Variants in DNAH9 observed in about 807,000 individuals in gnomAD.
DNAH9 encodes the protein DNAH9 variant protein.
A neutral mutation model predicts 471.6 loss-of-function variants in DNAH9; 345 were observed. That is an observed-to-expected ratio of 0.73 (90% confidence interval 0.67 to 0.80). The LOEUF (loss-of-function observed/expected upper bound fraction) is 0.80. Ranked by LOEUF, DNAH9 falls within the 30% of genes least tolerant of loss-of-function variation. DNAH9 has a pLI of 0.00. For synonymous variants in DNAH9, 2,093 were observed against 2,123.6 expected (o/e 0.99, Z 0.40); for missense variants, 5,407 against 5,609.2 (o/e 0.96, Z 1.15).
At chr17:11,942,896 CTTTT>C (rs71142257) in intron 67 of DNAH9, among the ~76,000 whole-genome samples, 2 of 127,910 alleles carry the variant, frequency 1.6e-5, no homozygotes, top group Admixed American at 8.3e-5. Context: ...CTTGTTTTTT[CTTTT>C]TTTTTTTTTT....
At chr17:11,906,857 G>A (rs1241696381) in intron 61 of DNAH9, among the ~76,000 whole-genome samples, 1 of 151,918 alleles carries the variant, frequency 6.6e-6, no homozygotes, top group Non-Finnish European at 1.5e-5. Flanking sequence ...CACACACTGG[G>A]GCCTATTGAG....
At chr17:11,749,401 A>G (rs1967055980) in intron 32 of DNAH9, among the ~76,000 whole-genome samples, 2 of 151,976 alleles carry the variant, frequency 1.3e-5, no homozygotes, top group South Asian at 4.2e-4. Flanking sequence ...GTTTTTTAAT[A>G]TATCAAAGAT....
At chr17:11,674,846 G>A (rs757394768) in intron 17 of DNAH9, among the ~76,000 whole-genome samples, 5 of 151,932 alleles carry the variant, frequency 3.3e-5, no homozygotes, top group Non-Finnish European at 7.4e-5. Flanking sequence ...CCCTTATCTA[G>A]CACTCATGAA....
chr17:11,762,770 G>GTTGTTGTTTTT (rs1967746481), intron 35 of DNAH9, among the ~76,000 whole-genome samples: 14 of 90,742 alleles, frequency 1.5e-4, no homozygotes, highest in Non-Finnish European at 2.0e-4. Context: ...TTTTTTTTTT[G>GTTGTTGTTTTT]TTTTTTTTTT....
At chr17:11,936,233 T>G (rs1974708875) in intron 65 of DNAH9, among the ~76,000 whole-genome samples, 1 of 152,146 alleles carries the variant, frequency 6.6e-6, no homozygotes. Context: ...GGCAATCTAT[T>G]AGGCTAGGTG....
chr17:11,821,582 A>C (rs1187514075), intron 45 of DNAH9, among the ~76,000 whole-genome samples: 3 of 151,998 alleles, frequency 2.0e-5, no homozygotes, highest in African/African-American at 7.3e-5. Context: ...TAAATATTAA[A>C]CTCCTGGAGG....
intron 66 of DNAH9, among the ~76,000 whole-genome samples, chr17:11,940,536 G>A (rs994148442): frequency 1.3e-5 from 2 of 152,138 alleles, no homozygotes; most frequent in African/African-American, 4.8e-5. Flanking sequence ...ATTAAAATCC[G>A]ATTCCAGTTT....
rs948468307 is a variant in DNAH9 at position 11,932,161 on chromosome 17, A to G, written c.12253A>G (p.Ile4085Val). The change falls in exon 64 of 69, where the codon ATC becomes GTC. Residue 4085 changes from isoleucine to valine, a missense_variant. This residue lies in a region of DNAH9 where 4,636 missense variants were observed against 4,900.3 expected (regional missense o/e 0.95). Coordinates refer to ENST00000262442, the MANE Select transcript of DNAH9 (RefSeq NM_001372.4). This position sits in a 1 kb window ranked among gnomAD's most constrained non-coding sequence, Gnocchi z 4.3. ...CCCCTTTAACACTGGAGACCTCACT[A>G]TCTCTGTGAATGTCCTCTACAACTT... ...SYPFNTGDLT[I>V]SVNVLYNFLE... The G allele has an allele frequency of 8.1e-6, 13 of 1,613,984 alleles. No individual in the cohort carries two copies. Among genetic ancestry groups the G allele is most frequent in the Non-Finnish European group, 1.0e-5 (12 of 1,180,030 alleles).
chr17:11,828,414 A>G (rs1407994562), intron 48 of DNAH9, among the ~76,000 whole-genome samples: 1 of 149,444 alleles, frequency 6.7e-6, no homozygotes, highest in Non-Finnish European at 1.5e-5. Context: ...TGGAGGTTGC[A>G]GTGAGCTGAG....
intron 40 of DNAH9, 24 bp downstream of exon 40, chr17:11,783,772 G>A: frequency 1.3e-6 from 2 of 1,593,908 alleles, no homozygotes; most frequent in Non-Finnish European, 1.7e-6. Flanking sequence ...CATGGGACCT[G>A]GGTCCTAATC....
chr17:11,862,332 A>G (rs1394480340), intron 50 of DNAH9, among the ~76,000 whole-genome samples: 3 of 120,688 alleles, frequency 2.5e-5, no homozygotes, highest in African/African-American at 6.3e-5. Context: ...ATAGTTGTAG[A>G]TATGCGGCGT....
intron 27 of DNAH9, among the ~76,000 whole-genome samples, chr17:11,727,127 A>G: frequency 6.8e-6 from 1 of 147,216 alleles, no homozygotes. Flanking sequence ...TTTCCCTGGC[A>G]TTTTAATGAC....
intron 39 of DNAH9, among the ~76,000 whole-genome samples, chr17:11,781,607 G>A (rs1254184077): frequency 1.3e-5 from 2 of 152,056 alleles, no homozygotes; most frequent in African/African-American, 2.4e-5. Flanking sequence ...GCTAAGGCGG[G>A]TGGATCACAA....
intron 62 of DNAH9, among the ~76,000 whole-genome samples, chr17:11,926,035 G>GAAAAAAAAAAAAAAAAAAAAAAAAAAA (rs71142253): frequency 8.3e-5 from 5 of 59,916 alleles, no homozygotes; most frequent in East Asian, 6.1e-4. Context: ...GAGATTCTCT[G>GAAAAAAAAAAAAAAAAAAAAAAAAAAA]AAAAAAAAAA....
intron 9 of DNAH9, among the ~76,000 whole-genome samples, chr17:11,638,316 T>C (rs1052085885): frequency 1.3e-5 from 2 of 152,114 alleles, no homozygotes; most frequent in African/African-American, 4.8e-5. Flanking sequence ...CTCAAATGCC[T>C]CCAGAAGCTA....
chr17:11,897,900 C>T (rs992503806), intron 59 of DNAH9, among the ~76,000 whole-genome samples: 1 of 152,150 alleles, frequency 6.6e-6, no homozygotes, highest in African/African-American at 2.4e-5. Context: ...TTCTCACAGT[C>T]GTGGAGGCTG....
intron 27 of DNAH9, among the ~76,000 whole-genome samples, chr17:11,720,920 T>TC (rs1333655579): frequency 6.6e-6 from 1 of 152,134 alleles, no homozygotes; most frequent in East Asian, 1.9e-4. Flanking sequence ...TGGAGTTTTC[T>TC]CCCCCCTTTA....
chr17:11,804,844 A>C (rs1467297234), intron 43 of DNAH9, among the ~76,000 whole-genome samples: 1 of 151,646 alleles, frequency 6.6e-6, no homozygotes, highest in Non-Finnish European at 1.5e-5. Flanking sequence ...ACTGTACTCC[A>C]GCCTGGACGA....
At chr17:11,920,852 G>C (rs190080095) in intron 61 of DNAH9, among the ~76,000 whole-genome samples, 1 of 151,728 alleles carries the variant, frequency 6.6e-6, no homozygotes, top group East Asian at 2.0e-4. Context: ...GTGAGAAAGG[G>C]GTTTTTAGTC....
Sources: gnomAD v4.1 joint callset for allele counts (sites outside exome capture counted in the v4.1 genomes callset) on GRCh38, gnomAD v4.1.1 for gene constraint, gnomAD v4.1.1 regional missense constraint, Gnocchi (gnomAD v3.1) non-coding constraint, MANE v1.5 for transcripts, NCBI Gene and HGNC (gene_info 2026-07-23, HGNC 2026-07-21) for gene names.